Variants in INTS12 observed in about 807,000 individuals in gnomAD.
INTS12 encodes integrator complex subunit 12.
A neutral mutation model predicts 41.6 loss-of-function variants in INTS12; 13 were observed. The ratio of observed to expected loss-of-function variants is 0.31; its 90% CI spans 0.20 to 0.50. The LOEUF (loss-of-function observed/expected upper bound fraction) is 0.50, where lower values mean the gene tolerates loss of function less well. Ranked by LOEUF, INTS12 falls within the 20% of genes least tolerant of loss-of-function variation. The pLI is 0.98. For synonymous variants in INTS12, 199 were observed against 191.4 expected, an observed-to-expected ratio of 1.04 and a Z score of -0.33; for missense variants, 432 against 541.6, an observed-to-expected ratio of 0.80 and a Z score of 2.01.
chr4:105,683,089 C>A lies in INTS12; in HGVS notation c.1033G>T (p.Gly345Cys). ...CTGTTATTGGAACCTATTTTGGAACCTATTCCACCTTTGGATGATGTTGCC... is the reference window on the plus strand; with the variant it reads ...CTGTTATTGGAACCTATTTTGGAACATATTCCACCTTTGGATGATGTTGCC... The part of the protein sequence containing the change: ...GLATSSKGGI[G>C]SKIGSNNSTT... The change falls in exon 8 of 8, where the codon GGT (glycine) becomes TGT (cysteine). Residue 345 changes from glycine to cysteine, a missense_variant. By Grantham distance (159) the Gly-to-Cys change is radical (BLOSUM62 -3). Around this residue, in one of 3 missense-constraint regions of INTS12, gnomAD observed 258 missense variants for 309.9 expected, o/e 0.83. Transcript: ENST00000340139. The A allele has an allele frequency of 6.2e-7, 1 of 1,614,060 alleles. No individual in the cohort carries two copies.
rs1732121280 is a variant in INTS12, at chr4:105,702,493, A to G, written c.-10+1155T>C. Among the ~76,000 whole-genome samples, 3 of 152,198 alleles carry G rather than the reference A, an allele frequency of 2.0e-5. No individual in the cohort carries two copies. In the South Asian group the frequency reaches 6.2e-4, roughly 31 times the overall value. On this transcript the variant is annotated intron_variant, in intron 2 of 7. Coordinates refer to ENST00000340139, the MANE Select transcript of INTS12 (RefSeq NM_020395.4). The stretch of plus-strand genomic sequence containing the variant: ...ATCTATTCATATACAGAGTGATAAT[A>G]GTGTGTTATATAATTGATCTTTAAC...
Position 105,686,788 on chromosome 4 carries a change from A to G in INTS12, c.708T>C (p.Ser236=). 6.2e-7 allele frequency: 1 copy of G among 1,613,900 alleles called. No homozygotes were observed. The highest frequency in any genetic ancestry group is 8.5e-7 in the Non-Finnish European group (1 of 1,179,892). Residue 236 remains serine, a synonymous_variant, in exon 7 of 8, where the codon TCT becomes TCC. Transcript: ENST00000340139. ...ATGGATCTTTGACAGCTGGAGTTAC[A>G]GAAACAACTGCAGGGGCTGGTTTCT... ...PPQKPAPAVV[S]VTPAVKDPLV...
At chr4:105,706,471 C>T (rs1173558025) in intron 1 of INTS12, 4 of 152,006 alleles carry the variant, frequency 2.6e-5, no homozygotes, top group East Asian at 1.9e-4. Context: ...CTATGTTGCT[C>T]TTATCTGGTC....
At chr4:105,695,945 C>T (rs1731848059) in intron 3 of INTS12, among the ~76,000 whole-genome samples, 1 of 152,108 alleles carries the variant, frequency 6.6e-6, no homozygotes, top group Non-Finnish European at 1.5e-5. Context: ...CCTCTGCCTC[C>T]TGGGTTCAAG....
chr4:105,696,381 C>A (rs1242142633), intron 3 of INTS12, among the ~76,000 whole-genome samples: 2 of 152,242 alleles, frequency 1.3e-5, no homozygotes, highest in Non-Finnish European at 1.5e-5. Flanking sequence ...AAATATGTCT[C>A]CCATCATCAT....
intron 6 of INTS12, among the ~76,000 whole-genome samples, chr4:105,689,344 T>C (rs1731605072): frequency 6.6e-6 from 1 of 152,220 alleles, no homozygotes; most frequent in Admixed American, 6.5e-5. Context: ...CTTGGAACAA[T>C]AACCAATGCA....
intron 2 of INTS12, chr4:105,703,166 T>C (rs904197918): frequency 4.4e-6 from 1 of 229,228 alleles, no homozygotes; most frequent in Non-Finnish European, 7.2e-6. Flanking sequence ...ATTAGAGTTC[T>C]AGAAAACAAA....
chr4:105,683,016 C>T lies in INTS12; in HGVS notation c.1106G>A (p.Gly369Asp). 2 of 1,614,122 alleles carry T rather than the reference C, an allele frequency of 1.2e-6. No homozygotes were observed. The highest frequency in any genetic ancestry group is 4.5e-5 in the East Asian group (2 of 44,880). Residue 369 changes from glycine (G) to aspartate (D), a missense_variant, in exon 8 of 8, where the codon GGT (glycine) becomes GAT (aspartate). By Grantham distance (94) the Gly-to-Asp change is moderately conservative (BLOSUM62 -1). This residue lies in a region of INTS12 where 258 missense variants were observed against 309.9 expected (regional missense o/e 0.83). Coordinates refer to ENST00000340139, the MANE Select transcript of INTS12 (RefSeq NM_020395.4). Reference protein sequence around the residue: ...PLKPPPPLTLGKTGLSRSVSC... With the variant: ...PLKPPPPLTLDKTGLSRSVSC... The stretch of plus-strand genomic sequence containing the variant: ...AACTGAGCGACTAAGGCCAGTTTTA[C>T]CCAAGGTTAGAGGTGGAGGTGGTTT...
rs191396258 is a variant in INTS12 at position 105,703,136 on chromosome 4, C to T, written c.-10+512G>A. The stretch of plus-strand genomic sequence containing the variant: ...ATGGCCAAAACAGACTGCAAAAGAG[C>T]CATATCATTCTTACTATGGATTAGA... On this transcript the variant is annotated intron_variant, in intron 2 of 7. Transcript: ENST00000340139. 7.2e-5 allele frequency: 27 copies of T among 375,482 alleles called. 1 individual carries two copies. Among genetic ancestry groups the T allele is most frequent in the Admixed American group, 1.3e-4 (2 of 15,550 alleles). 23.3% of individuals were successfully genotyped at this position (375,482 alleles called of 1,614,324 possible).
At chr4:105,699,703 G>A (rs1578389933) in intron 3 of INTS12, 147 bp downstream of exon 3, 2 of 648,392 alleles carry the variant, frequency 3.1e-6, no homozygotes, top group Non-Finnish European at 4.7e-6. Context: ...AAACTTGAAG[G>A]GAAAAAAGAA....
intron 1 of INTS12, among the ~76,000 whole-genome samples, chr4:105,706,791 C>T (rs62320297): frequency 0.15 from 23,411 of 152,074 alleles, 2,280 homozygotes; most frequent in Non-Finnish European, 0.22. Flanking sequence ...TGGATTCTGA[C>T]GGCAATATTT....
At position 105,682,820 on chromosome 4, in the gene INTS12, G is replaced by A. The variant is rs1033614533; in HGVS notation, c.1302C>T (p.Gly434=). 6.2e-7 allele frequency: 1 copy of A among 1,614,088 alleles called. No homozygotes were observed. The highest frequency in any genetic ancestry group is 1.3e-5 in the African/African-American group (1 of 75,038). Residue 434 remains glycine (G), a synonymous_variant, in exon 8 of 8, where the codon GGC becomes GGT. Transcript: ENST00000340139. ...SSSSPSASLK[G]PTSQESQLNA... ...TGAGCTGTGATTCTTGTGAAGTTGG[G>A]CCTTTAAGGGATGCTGAGGGAGAGC... is the stretch of plus-strand genomic sequence containing the variant.
chr4:105,708,125 G>C (rs1732365957), intron 1 of INTS12: 3 of 985,402 alleles, frequency 3.0e-6, no homozygotes, highest in Non-Finnish European at 3.6e-6. Flanking sequence ...CCTCCACTGA[G>C]TTCTTGGTTC....
rs1732010555 is a variant in INTS12 at position 105,700,115 on chromosome 4, C to A, written c.-9-101G>T. 4.4e-6 allele frequency: 3 copies of A among 685,090 alleles called. No individual in the cohort carries two copies. In the South Asian group the frequency reaches 1.5e-4, roughly 34 times the overall value. 42.4% of individuals were successfully genotyped at this position (685,090 alleles called of 1,614,324 possible). On this transcript the variant is annotated intron_variant, in intron 2 of 7. Coordinates refer to ENST00000340139, the MANE Select transcript of INTS12 (RefSeq NM_020395.4). Reference sequence around the variant, plus strand: ...TTAATTTGTAATAGATAATACTGTACACATGATATAAAATTTAAAATCACC... The same window carrying A: ...TTAATTTGTAATAGATAATACTGTAAACATGATATAAAATTTAAAATCACC...
chr4:105,696,561 A>C (rs1731875845), intron 3 of INTS12, among the ~76,000 whole-genome samples: 1 of 152,214 alleles, frequency 6.6e-6, no homozygotes, highest in Non-Finnish European at 1.5e-5. Flanking sequence ...ATTGCTGAAT[A>C]ATATTCCATT....
At position 105,691,696 on chromosome 4, in the gene INTS12, T is replaced by C. The variant is rs148633669; in HGVS notation, c.657+280A>G. Reference sequence around the variant, plus strand: ...GTATTTTAAAATGTTTGTCAATACATTGACAGACTAGTAAGGAATATTCAT... The same window carrying C: ...GTATTTTAAAATGTTTGTCAATACACTGACAGACTAGTAAGGAATATTCAT... On this transcript the variant is annotated intron_variant, in intron 6 of 7. Coordinates refer to ENST00000340139, the MANE Select transcript of INTS12 (RefSeq NM_020395.4). 2.6e-3 allele frequency among the ~76,000 whole-genome samples: 400 copies of C among 152,350 alleles called. 7 individuals carry two copies. The East Asian group carries it at 0.028, about 10-fold the overall frequency.
intron 7 of INTS12, among the ~76,000 whole-genome samples, chr4:105,686,420 A>C (rs1731498324): frequency 6.6e-6 from 1 of 152,210 alleles, no homozygotes; most frequent in African/African-American, 2.4e-5. Context: ...ATTGAAGACA[A>C]ATATCTAACC....
At chr4:105,705,753 G>A (rs1258399972) in intron 1 of INTS12, 2 of 152,190 alleles carry the variant, frequency 1.3e-5, no homozygotes, top group East Asian at 3.8e-4. Flanking sequence ...TCAAGTTTCA[G>A]TTTTTCCTGC....
At chr4:105,698,092 C>T (rs1216318298) in intron 3 of INTS12, among the ~76,000 whole-genome samples, 2 of 152,028 alleles carry the variant, frequency 1.3e-5, no homozygotes. Flanking sequence ...TTGTGTGTAA[C>T]TAAAAAATTG....
Sources: gnomAD v4.1 joint callset for allele counts (sites outside exome capture counted in the v4.1 genomes callset) on GRCh38, gnomAD v4.1.1 for gene constraint, gnomAD v4.1.1 regional missense constraint, MANE v1.5 for transcripts, NCBI Gene and HGNC (gene_info 2026-07-23, HGNC 2026-07-21) for gene names.